SLC1A2: variants seen among roughly 807,000 people sequenced by gnomAD.
SLC1A2 encodes the protein solute carrier family 1 member 2, also known as excitatory amino acid transporter 2.
A neutral mutation model predicts 48.8 loss-of-function variants in SLC1A2; 15 were observed. That is an observed-to-expected ratio of 0.31 (90% CI 0.21 to 0.47). The LOEUF (loss-of-function observed/expected upper bound fraction) is 0.47. SLC1A2 is among the 20% of genes least tolerant of loss of function. SLC1A2 has a pLI of 0.99. For missense variants in SLC1A2, 502 were observed against 730.5 expected, an observed-to-expected ratio of 0.69 and a Z score of 3.61; for synonymous variants, 279 against 272.6, an observed-to-expected ratio of 1.02 and a Z score of -0.23.
chr11:35,255,939 A>G lies in SLC1A2; in HGVS notation c.*4955T>C, dbSNP rs1269845189. 6.6e-6 allele frequency: 1 copy of G among 152,226 alleles called. No individual in the cohort carries two copies. Among genetic ancestry groups the G allele is most frequent in the Non-Finnish European group, 1.5e-5 (1 of 68,038 alleles). 9.4% of individuals were successfully genotyped at this position (152,226 alleles called of 1,614,324 possible). On this transcript the variant is annotated 3_prime_UTR_variant, in exon 11 of 11. Coordinates refer to ENST00000278379, the MANE Select transcript of SLC1A2 (RefSeq NM_004171.4). ...AAGGAGATGAGAAAAATCTAAATTGATTATTCATTATTGTGGGCTACTTCA... is the reference window on the plus strand; with the variant it reads ...AAGGAGATGAGAAAAATCTAAATTGGTTATTCATTATTGTGGGCTACTTCA...
intron 9 of SLC1A2, among the ~76,000 whole-genome samples, chr11:35,270,181 G>A (rs898591995): frequency 1.3e-5 from 2 of 152,094 alleles, no homozygotes; most frequent in African/African-American, 2.4e-5. Flanking sequence ...TTATTCTTTT[G>A]ATGCAAAATC....
At chr11:35,325,637 A>G (rs975271497) in intron 1 of SLC1A2, among the ~76,000 whole-genome samples, 1 of 152,190 alleles carries the variant, frequency 6.6e-6, no homozygotes, top group Non-Finnish European at 1.5e-5. Flanking sequence ...GGAATATCAG[A>G]AATGGTTTCA....
chr11:35,338,065 T>C (rs901651191), intron 1 of SLC1A2, among the ~76,000 whole-genome samples: 1 of 152,224 alleles, frequency 6.6e-6, no homozygotes, highest in Non-Finnish European at 1.5e-5. Context: ...AAGAAGATTG[T>C]AGTATCTGCA....
intron 1 of SLC1A2, among the ~76,000 whole-genome samples, chr11:35,336,856 C>T (rs1312722355): frequency 6.6e-6 from 1 of 152,042 alleles, no homozygotes; most frequent in Non-Finnish European, 1.5e-5. Context: ...ACTCTTTAGC[C>T]CTTTACAGAA....
intron 9 of SLC1A2, among the ~76,000 whole-genome samples, chr11:35,275,105 T>C (rs752913040): frequency 7.2e-5 from 11 of 152,338 alleles, no homozygotes; most frequent in Admixed American, 3.3e-4. Flanking sequence ...TGGGAGATTT[T>C]GGTGCATGCT....
chr11:35,283,353 C>T (rs918819581), intron 8 of SLC1A2, among the ~76,000 whole-genome samples: 2 of 152,168 alleles, frequency 1.3e-5, no homozygotes, highest in African/African-American at 4.8e-5. Context: ...CTATTTTCCT[C>T]CAAACAAACT....
At chr11:35,373,993 A>T (rs922368083) in intron 1 of SLC1A2, among the ~76,000 whole-genome samples, 3 of 152,222 alleles carry the variant, frequency 2.0e-5, no homozygotes, top group Non-Finnish European at 4.4e-5. Context: ...TAGCTGTGTG[A>T]TCTTGAGCAA....
At chr11:35,299,621 G>C (rs1851288570) in intron 6 of SLC1A2, 1 of 152,104 alleles carries the variant, frequency 6.6e-6, no homozygotes, top group African/African-American at 2.4e-5. Context: ...TTCTTGATCT[G>C]AAATCTTGGA....
chr11:35,362,474 G>A (rs1400367021), intron 1 of SLC1A2, among the ~76,000 whole-genome samples: 1 of 152,140 alleles, frequency 6.6e-6, no homozygotes, highest in Admixed American at 6.5e-5. Flanking sequence ...CAACACTCAT[G>A]AGCTGTGTGG....
At chr11:35,281,720 G>A (rs571524656) in intron 8 of SLC1A2, 2 of 152,136 alleles carry the variant, frequency 1.3e-5, no homozygotes, top group Admixed American at 1.3e-4. Flanking sequence ...TTTGTCTCTG[G>A]GAGAGGGTTA....
intron 1 of SLC1A2, among the ~76,000 whole-genome samples, chr11:35,406,365 T>C (rs988585504): frequency 6.6e-6 from 1 of 152,124 alleles, no homozygotes; most frequent in Non-Finnish European, 1.5e-5. Flanking sequence ...AAAGTTGTAA[T>C]TGATGCAGTG....
At chr11:35,349,024 G>T (rs1434575507) in intron 1 of SLC1A2, among the ~76,000 whole-genome samples, 1 of 152,108 alleles carries the variant, frequency 6.6e-6, no homozygotes, top group Non-Finnish European at 1.5e-5. Context: ...GGAAAGGGGA[G>T]AGGATACATC....
intron 1 of SLC1A2, among the ~76,000 whole-genome samples, chr11:35,322,051 C>A (rs1186373277): frequency 1.3e-5 from 2 of 152,156 alleles, no homozygotes; most frequent in Non-Finnish European, 2.9e-5. Context: ...GCCTCCACTG[C>A]CTAACAAAGT....
chr11:35,386,827 T>G (rs1854598423), intron 1 of SLC1A2, among the ~76,000 whole-genome samples: 1 of 152,204 alleles, frequency 6.6e-6, no homozygotes. Context: ...CTTAGAAAGC[T>G]TAAATACATT....
At position 35,258,550 on chromosome 11, in the gene SLC1A2, G is replaced by GA. The variant is rs1464656967; in HGVS notation, c.*2343dup. 1 of 152,600 alleles carries GA rather than the reference G, an allele frequency of 6.6e-6. No individual in the cohort carries two copies. The highest frequency in any genetic ancestry group is 1.5e-5 in the Non-Finnish European group (1 of 68,050). The allele number at this position is 152,600 out of a possible 1,614,324, so 9.5% of individuals were successfully genotyped here. A position where few individuals can be genotyped will look rare whatever the true frequency, so the allele number is the denominator to read the frequency against. On this transcript the variant is annotated 3_prime_UTR_variant, in exon 11 of 11. Coordinates refer to ENST00000278379, the MANE Select transcript of SLC1A2 (RefSeq NM_004171.4). ...TTTGCCTATAGCCTCCAACTTACCA[G>GA]AAAAAAGCTCTTGGGAACACCACTT...
chr11:35,394,249 C>A (rs1242623625), intron 1 of SLC1A2, among the ~76,000 whole-genome samples: 2 of 152,056 alleles, frequency 1.3e-5, no homozygotes. Flanking sequence ...CTCCCACGTG[C>A]CTTCAGCCAC....
chr11:35,344,530 C>T (rs916226773), intron 1 of SLC1A2, among the ~76,000 whole-genome samples: 1 of 152,192 alleles, frequency 6.6e-6, no homozygotes, highest in Non-Finnish European at 1.5e-5. Context: ...TGAAAATGCA[C>T]ATACAGACAA....
At chr11:35,319,206 T>G (rs1353891730) in intron 1 of SLC1A2, among the ~76,000 whole-genome samples, 1 of 152,050 alleles carries the variant, frequency 6.6e-6, no homozygotes, top group Admixed American at 6.6e-5. Flanking sequence ...AAATATCACT[T>G]CCTCCCCTCG....
At chr11:35,287,256 T>C (rs2134720735) in intron 7 of SLC1A2, among the ~76,000 whole-genome samples, 1 of 151,052 alleles carries the variant, frequency 6.6e-6, no homozygotes, top group Admixed American at 6.6e-5. Context: ...GATATTGAAG[T>C]GCATCTGATT....
Sources: gnomAD v4.1 joint callset for allele counts (sites outside exome capture counted in the v4.1 genomes callset) on GRCh38, gnomAD v4.1.1 for gene constraint, MANE v1.5 for transcripts, NCBI Gene and HGNC (gene_info 2026-07-23, HGNC 2026-07-21) for gene names.